The following RAB10 variants were observed in gnomAD, a reference collection of about 807,000 sequenced individuals.
RAB10 encodes ras-related protein Rab-10.
In RAB10, 5 loss-of-function variants were observed where a neutral mutation model predicts 25.7. The observed-to-expected ratio is 0.19, with a 90% CI of 0.10 to 0.41. The LOEUF (loss-of-function observed/expected upper bound fraction) is 0.41, where lower values mean the gene tolerates loss of function less well. Ranked by LOEUF, RAB10 falls within the 10% of genes least tolerant of loss-of-function variation. The pLI, the probability that RAB10 is intolerant of heterozygous loss-of-function variation, is 1.00. For synonymous variants in RAB10, 89 were observed against 86.4 expected, an observed-to-expected ratio of 1.03 and a Z score of -0.16; for missense variants, 103 against 245.8, an observed-to-expected ratio of 0.42 and a Z score of 3.89.
chr2:26,108,963 G>A (rs1023748586), intron 2 of RAB10, among the ~76,000 whole-genome samples: 1 of 151,882 alleles, frequency 6.6e-6, no homozygotes, highest in Non-Finnish European at 1.5e-5. Context: ...CCAAGCTGGA[G>A]TGTAGTGGCA....
chr2:26,087,996 G>A (rs182298303), intron 1 of RAB10, among the ~76,000 whole-genome samples: 62 of 152,300 alleles, frequency 4.1e-4, no homozygotes, highest in Admixed American at 1.5e-3. Flanking sequence ...CTAGAACCTG[G>A]TCTTGAAATC....
At chr2:26,038,177 C>T (rs979638445) in intron 1 of RAB10, among the ~76,000 whole-genome samples, 99 of 151,232 alleles carry the variant, frequency 6.5e-4, no homozygotes, top group African/African-American at 2.3e-3. Context: ...GAAGCCACCA[C>T]ACTGCCCTCC....
At chr2:26,079,478 G>A (rs1666818774) in intron 1 of RAB10, among the ~76,000 whole-genome samples, 1 of 152,118 alleles carries the variant, frequency 6.6e-6, no homozygotes, top group Non-Finnish European at 1.5e-5. Flanking sequence ...TATTGGATTG[G>A]AATTGGAGGT....
At chr2:26,041,557 AAAAAAAAAAG>A (rs1448999862) in intron 1 of RAB10, among the ~76,000 whole-genome samples, 1 of 150,720 alleles carries the variant, frequency 6.6e-6, no homozygotes, top group Non-Finnish European at 1.5e-5. Flanking sequence ...AAAAAAAAAA[AAAAAAAAAAG>A]AATGTTAGCT....
At chr2:26,084,448 A>G (rs1368627115) in intron 1 of RAB10, among the ~76,000 whole-genome samples, 2 of 152,250 alleles carry the variant, frequency 1.3e-5, no homozygotes, top group East Asian at 1.9e-4. Flanking sequence ...TGATATCGCA[A>G]TAATGAGGAA....
intron 1 of RAB10, among the ~76,000 whole-genome samples, chr2:26,071,605 T>C (rs2149270531): frequency 6.6e-6 from 1 of 152,160 alleles, no homozygotes; most frequent in South Asian, 2.1e-4. Context: ...GGAGAATTGC[T>C]TGAACCTGGG....
At chr2:26,101,428 T>C (rs1489955901) in intron 2 of RAB10, 1 of 152,318 alleles carries the variant, frequency 6.6e-6, no homozygotes, top group Admixed American at 6.5e-5. Context: ...CGTGTTGTCT[T>C]TCTTGAGGTG....
At chr2:26,124,654 C>G (rs1206861785) in intron 3 of RAB10, among the ~76,000 whole-genome samples, 1 of 151,882 alleles carries the variant, frequency 6.6e-6, no homozygotes, top group African/African-American at 2.4e-5. Flanking sequence ...GTGTATAGTT[C>G]AGTGGTGTTA....
chr2:26,112,610 G>A (rs1218452515), intron 3 of RAB10, among the ~76,000 whole-genome samples: 1 of 152,082 alleles, frequency 6.6e-6, no homozygotes, highest in African/African-American at 2.4e-5. Context: ...GTATCAAAAA[G>A]GAAAATTGTG....
chr2:26,110,960 C>G (rs773303663), intron 3 of RAB10, among the ~76,000 whole-genome samples: 5 of 152,172 alleles, frequency 3.3e-5, no homozygotes, highest in Non-Finnish European at 7.4e-5. Context: ...CCCACCTTGG[C>G]CTCCTGAAGT....
chr2:26,057,805 G>A (rs990827286), intron 1 of RAB10, among the ~76,000 whole-genome samples: 3 of 152,070 alleles, frequency 2.0e-5, no homozygotes, highest in Non-Finnish European at 2.9e-5. Context: ...TGTATTGTTA[G>A]TAGAGACGGG....
chr2:26,125,035 C>G (rs1234369242), intron 3 of RAB10, among the ~76,000 whole-genome samples: 1 of 151,928 alleles, frequency 6.6e-6, no homozygotes, highest in African/African-American at 2.4e-5. Context: ...TTGTTTTCAC[C>G]CTTTTACTAT....
At chr2:26,081,912 A>G (rs909246359) in intron 1 of RAB10, among the ~76,000 whole-genome samples, 1 of 152,160 alleles carries the variant, frequency 6.6e-6, no homozygotes, top group African/African-American at 2.4e-5. Flanking sequence ...AAGCTGAGAG[A>G]ATTTTTTACC....
intron 1 of RAB10, among the ~76,000 whole-genome samples, chr2:26,051,719 ACTCTAGC>A (rs1382899176): frequency 6.7e-6 from 1 of 149,562 alleles, no homozygotes; most frequent in Non-Finnish European, 1.5e-5. Flanking sequence ...GCGCCACTGC[ACTCTAGC>A]CTGGGTGACA....
chr2:26,084,709 C>CTTCT (rs1553726635), intron 1 of RAB10, among the ~76,000 whole-genome samples: 2 of 97,130 alleles, frequency 2.1e-5, no homozygotes, highest in Non-Finnish European at 3.9e-5. Flanking sequence ...CATTTTACCC[C>CTTCT]TTCAGTTTCA....
chr2:26,079,673 C>G (rs1666824273), intron 1 of RAB10, among the ~76,000 whole-genome samples: 1 of 152,054 alleles, frequency 6.6e-6, no homozygotes. Context: ...TCTCTTCTTT[C>G]TTTTCCTTTT....
intron 1 of RAB10, among the ~76,000 whole-genome samples, chr2:26,068,195 C>T (rs1666552548): frequency 6.6e-6 from 1 of 152,052 alleles, no homozygotes. Flanking sequence ...AGTAAAGGAG[C>T]TTTTTGAGTT....
chr2:26,129,066 A>G (rs997179913), intron 5 of RAB10, among the ~76,000 whole-genome samples: 2 of 152,110 alleles, frequency 1.3e-5, no homozygotes, highest in African/African-American at 4.8e-5. Context: ...AGGTCAGGAG[A>G]TGAGACCATC....
chr2:26,088,741 C>A (rs1001599103), intron 1 of RAB10, among the ~76,000 whole-genome samples: 1 of 152,084 alleles, frequency 6.6e-6, no homozygotes. Context: ...TATCCTGTCT[C>A]AGCCTCCTGA....
Sources: gnomAD v4.1 joint callset for allele counts (sites outside exome capture counted in the v4.1 genomes callset) on GRCh38, gnomAD v4.1.1 for gene constraint, MANE v1.5 for transcripts, NCBI Gene and HGNC (gene_info 2026-07-23, HGNC 2026-07-21) for gene names.